INPPL1: variants seen among roughly 807,000 people sequenced by gnomAD.
The protein encoded by INPPL1 is inositol polyphosphate phosphatase like 1.
INPPL1 carries 91 observed loss-of-function variants against 139.3 expected under a neutral mutation model. The observed-to-expected ratio is 0.65, with a 90% CI of 0.55 to 0.78. The LOEUF (loss-of-function observed/expected upper bound fraction) is 0.78, where lower values mean the gene tolerates loss of function less well. Among genes scored for constraint, INPPL1 ranks in the 30% least tolerant of loss-of-function variants. The probability of loss-of-function intolerance (pLI) is 0.00; values close to 1 mark genes in which losing one functional copy is unlikely to be tolerated. For missense variants in INPPL1, 1,411 were observed against 1,665.6 expected (o/e 0.85, Z 2.66); for synonymous variants, 719 against 686.6 (o/e 1.05, Z -0.74).
Position 72,234,157 on chromosome 11 carries a change from C to A in INPPL1, c.2213-124C>A. 1.4e-6 allele frequency: 1 copy of A among 713,426 alleles called. No homozygotes were observed. The allele number at this position is 713,426 out of a possible 1,614,324, so 44.2% of individuals were successfully genotyped here. ...TGTTGGTGGCTTGGGACTGGGGAGGCCCCTCCTGGCCCTGCCTCCTTGCTC... is the reference window on the plus strand; with the variant it reads ...TGTTGGTGGCTTGGGACTGGGGAGGACCCTCCTGGCCCTGCCTCCTTGCTC... On this transcript the variant is annotated intron_variant, in intron 19 of 27. Transcript: ENST00000298229. The surrounding 1 kb of genome is among the most constrained non-coding windows in gnomAD (Gnocchi z 4.2).
intron 10 of INPPL1, 71 bp from the exon 11 acceptor site, chr11:72,230,725 G>A (rs1459736895): frequency 7.7e-7 from 1 of 1,300,588 alleles, no homozygotes; most frequent in Non-Finnish European, 1.1e-6. Context: ...TGAGCCAACT[G>A]GCAGGGTATC....
rs182127737 is a variant in INPPL1, at chr11:72,226,663, G to A, written c.182+1497G>A. 2.3e-4 allele frequency among the ~76,000 whole-genome samples: 35 copies of A among 152,338 alleles called. 1 individual carries two copies. The highest frequency in any genetic ancestry group is 6.8e-3 in the Middle Eastern group (2 of 294). On this transcript the variant is annotated intron_variant, in intron 1 of 27. Coordinates refer to ENST00000298229, the MANE Select transcript of INPPL1 (RefSeq NM_001567.4). ...CTAGCCTAGGCAATTGACCCAACAA[G>A]GAAGGGGCCCTATAAGTCTTAGCTT...
At chr11:72,225,505 C>T in intron 1 of INPPL1, 5 of 985,312 alleles carry the variant, frequency 5.1e-6, no homozygotes, top group South Asian at 4.7e-5. Flanking sequence ...GTGCATTCCA[C>T]GTTGTGTGCA....
In INPPL1 at chr11:72,234,199, T is replaced by C; in HGVS notation, c.2213-82T>C. On this transcript the variant is annotated intron_variant, in intron 19 of 27. Coordinates refer to ENST00000298229, the MANE Select transcript of INPPL1 (RefSeq NM_001567.4). The surrounding 1 kb of genome is among the most constrained non-coding windows in gnomAD (Gnocchi z 4.2). ...TCCTTGCTCTGGACCCCTGATTTCC[T>C]GTCCCAGGGCCCTGTTTCTCTGTCC... is the stretch of plus-strand genomic sequence containing the variant. The C allele has an allele frequency of 9.0e-7, 1 of 1,106,576 alleles. No homozygotes were observed. Among genetic ancestry groups the C allele is most frequent in the South Asian group, 1.3e-5 (1 of 77,634 alleles). The allele number at this position is 1,106,576 out of a possible 1,614,324, so 68.5% of individuals were successfully genotyped here. A position where few individuals can be genotyped will look rare whatever the true frequency, so the allele number is the denominator to read the frequency against.
chr11:72,237,967 G>C, intron 26 of INPPL1, 75 bp from the exon 27 acceptor site: 2 of 1,481,178 alleles, frequency 1.4e-6, no homozygotes, highest in Non-Finnish European at 1.8e-6. Context: ...TTTCCCCAGA[G>C]CATGCAGCAG....
Position 72,231,596 on chromosome 11 carries a change from T to G in INPPL1, c.1596T>G (p.Thr532=). Residue 532 remains threonine, a synonymous_variant, in exon 13 of 28, where the codon ACT becomes ACG. Coordinates refer to ENST00000298229, the MANE Select transcript of INPPL1 (RefSeq NM_001567.4). ...ISHVSTSSVK[T]GIANTLGNKG... The stretch of plus-strand genomic sequence containing the variant: ...ATGTCAGTACGTCCAGTGTGAAGAC[T>G]GGCATCGCCAACACCCTGGGTAAGT... 1 of 1,613,388 alleles carries G rather than the reference T, an allele frequency of 6.2e-7. No individual in the cohort carries two copies. The highest frequency in any genetic ancestry group is 2.2e-5 in the East Asian group (1 of 44,872).
chr11:72,234,970 G>A lies in INPPL1; in HGVS notation c.2416-146G>A. On this transcript the variant is annotated intron_variant, in intron 21 of 27. Transcript: ENST00000298229. The surrounding 1 kb of genome is among the most constrained non-coding windows in gnomAD (Gnocchi z 4.2). Reference sequence around the variant, plus strand: ...TATAGGGCTGTGTCTTCTGCATTAAGGATTTGGCTCTTCTCTGAAGAGTTG... The same window carrying A: ...TATAGGGCTGTGTCTTCTGCATTAAAGATTTGGCTCTTCTCTGAAGAGTTG... 1 of 672,454 alleles carries A rather than the reference G, an allele frequency of 1.5e-6. No individual in the cohort carries two copies. 41.7% of individuals were successfully genotyped at this position (672,454 alleles called of 1,614,324 possible). A position where few individuals can be genotyped will look rare whatever the true frequency, so the allele number is the denominator to read the frequency against.
chr11:72,227,125 C>G (rs1190238173), intron 1 of INPPL1, among the ~76,000 whole-genome samples: 2 of 152,202 alleles, frequency 1.3e-5, no homozygotes, highest in Admixed American at 1.3e-4. Context: ...ACATGCAAGA[C>G]ACGCCCCTGC....
In INPPL1 at chr11:72,237,411, C is replaced by T. The variant is rs781453490; in HGVS notation, c.3167C>T (p.Pro1056Leu). 1 of 1,612,746 alleles carries T rather than the reference C, an allele frequency of 6.2e-7. No individual in the cohort carries two copies. Among genetic ancestry groups the T allele is most frequent in the Non-Finnish European group, 8.5e-7 (1 of 1,179,288 alleles). Residue 1056 changes from proline to leucine, a missense_variant, in exon 26 of 28, where the codon CCA (proline) becomes CTA (leucine). Coordinates refer to ENST00000298229, the MANE Select transcript of INPPL1 (RefSeq NM_001567.4). ...CTGCCCCCTCCAGACTTTCCACCTC[C>T]ACCACTGCCGGACTCAGCCATCTTC... Reference protein sequence around the residue: ...GTLPPPDFPPPPLPDSAIFLP... With the variant: ...GTLPPPDFPPLPLPDSAIFLP...
chr11:72,228,540 TG>T lies in INPPL1; in HGVS notation c.397+44del, dbSNP rs756549919. ...AGGTCCCCTCCCTGCCCCTGTCCCT[TG>T]GCTCTACCTGCCTCTTCCCATCCCC... On this transcript the variant is annotated intron_variant, in intron 3 of 27. Transcript: ENST00000298229. The surrounding 1 kb of genome is among the most constrained non-coding windows in gnomAD (Gnocchi z 5.0). 1 of 1,594,574 alleles carries T rather than the reference TG, an allele frequency of 6.3e-7. No individual in the cohort carries two copies. The highest frequency in any genetic ancestry group is 1.7e-5 in the Admixed American group (1 of 59,808).
Position 72,228,087 on chromosome 11 carries a change from C to CT in INPPL1, c.183-102dup, listed in dbSNP as rs906357689. 8.1e-7 allele frequency: 1 copy of CT among 1,229,360 alleles called. No individual in the cohort carries two copies. Among genetic ancestry groups the CT allele is most frequent in the African/African-American group, 1.5e-5 (1 of 67,536 alleles). The allele number at this position is 1,229,360 out of a possible 1,614,324, so 76.2% of individuals were successfully genotyped here. ...GGCAGGTGGTTTTAGGGAAACCAAG[C>CT]TGAGGGGGTTGGGGTGCTGAGCTTG... On this transcript the variant is annotated intron_variant, in intron 1 of 27. Transcript: ENST00000298229. This position sits in a 1 kb window ranked among gnomAD's most constrained non-coding sequence, Gnocchi z 5.0.
At position 72,234,988 on chromosome 11, in the gene INPPL1, A is replaced by C; in HGVS notation, c.2416-128A>C. The C allele has an allele frequency of 1.3e-6, 1 of 749,354 alleles. No individual in the cohort carries two copies. Among genetic ancestry groups the C allele is most frequent in the Non-Finnish European group, 2.3e-6 (1 of 443,918 alleles). 46.4% of individuals were successfully genotyped at this position (749,354 alleles called of 1,614,324 possible). On this transcript the variant is annotated intron_variant, in intron 21 of 27. Coordinates refer to ENST00000298229, the MANE Select transcript of INPPL1 (RefSeq NM_001567.4). This position sits in a 1 kb window ranked among gnomAD's most constrained non-coding sequence, Gnocchi z 4.2. Reference sequence around the variant, plus strand: ...GCATTAAGGATTTGGCTCTTCTCTGAAGAGTTGAGTGTGAGTGAGCACAGA... The same window carrying C: ...GCATTAAGGATTTGGCTCTTCTCTGCAGAGTTGAGTGTGAGTGAGCACAGA...
Position 72,231,216 on chromosome 11 carries a change from C to A in INPPL1, c.1497+27C>A, listed in dbSNP as rs17847219. The A allele has an allele frequency of 0.017, 27,173 of 1,590,278 alleles. 329 individuals are homozygous for A. The highest frequency in any genetic ancestry group is 0.056 in the East Asian group (2,497 of 44,776). On this transcript the variant is annotated intron_variant, in intron 12 of 27. Coordinates refer to ENST00000298229, the MANE Select transcript of INPPL1 (RefSeq NM_001567.4). ...TGAGGGGGGGTCATCTTGTCCAGGA[C>A]CCTGTCCTCACACACCACCTCCAAA...
chr11:72,230,569 C>A (rs1034726598), intron 10 of INPPL1, 101 bp downstream of exon 10: 14 of 1,173,580 alleles, frequency 1.2e-5, no homozygotes, highest in Non-Finnish European at 1.6e-5. Context: ...TGTAGGCATG[C>A]CATCCCTCCT....
chr11:72,230,011 G>C lies in INPPL1; in HGVS notation c.931G>C (p.Ala311Pro). 1 of 1,614,206 alleles carries C rather than the reference G, an allele frequency of 6.2e-7. No homozygotes were observed. Among genetic ancestry groups the C allele is most frequent in the Non-Finnish European group, 8.5e-7 (1 of 1,180,026 alleles). ...TRKAKTIPVQAFEVKLDVTLG... is the reference protein window; with the variant it reads ...TRKAKTIPVQPFEVKLDVTLG... Reference sequence around the variant, plus strand: ...TAAGGCCAAGACCATCCCCGTGCAGGCCTTTGAGGTACATGGCAGTGGGGC... The same window carrying C: ...TAAGGCCAAGACCATCCCCGTGCAGCCCTTTGAGGTACATGGCAGTGGGGC... The change falls in exon 8 of 28, where the codon GCC (alanine) becomes CCC (proline). Residue 311 changes from alanine to proline, a missense_variant. Physicochemically the swap from Ala to Pro is conservative, Grantham distance 27. Coordinates refer to ENST00000298229, the MANE Select transcript of INPPL1 (RefSeq NM_001567.4).
At position 72,230,793 on chromosome 11, in the gene INPPL1, CA is replaced by C; in HGVS notation, c.1198-2del. The C allele has an allele frequency of 6.2e-7, 1 of 1,613,588 alleles. No individual in the cohort carries two copies. Among genetic ancestry groups the C allele is most frequent in the Non-Finnish European group, 8.5e-7 (1 of 1,179,716 alleles). On this transcript the variant is annotated splice_acceptor_variant, in intron 10 of 27. Coordinates refer to ENST00000298229, the MANE Select transcript of INPPL1 (RefSeq NM_001567.4). LOFTEE classifies it high-confidence loss of function. The stretch of plus-strand genomic sequence containing the variant: ...CGCCCCTGAGTGGCTGCTGTTCCCC[CA>C]GAAGCGGGAGGCCTTCTGCCAGCTG...
At position 72,228,869 on chromosome 11, in the gene INPPL1, C is replaced by A; in HGVS notation, c.518+22C>A. On this transcript the variant is annotated intron_variant, in intron 4 of 27. Coordinates refer to ENST00000298229, the MANE Select transcript of INPPL1 (RefSeq NM_001567.4). The surrounding 1 kb of genome is among the most constrained non-coding windows in gnomAD (Gnocchi z 5.0). ...AGAGGTGAGACCCCCATCCCATCCACTGAACAGGAGACCCTTTCTCCTCTG... is the reference window on the plus strand; with the variant it reads ...AGAGGTGAGACCCCCATCCCATCCAATGAACAGGAGACCCTTTCTCCTCTG... The A allele has an allele frequency of 6.4e-7, 1 of 1,566,518 alleles. No homozygotes were observed. Among genetic ancestry groups the A allele is most frequent in the Admixed American group, 2.0e-5 (1 of 51,168 alleles).
rs749503091 is a variant in INPPL1 at position 72,238,036 on chromosome 11, C to T, written c.3553-6C>T. On this transcript the variant is annotated splice_region_variant and splice_polypyrimidine_tract_variant and intron_variant, in intron 26 of 27. Coordinates refer to ENST00000298229, the MANE Select transcript of INPPL1 (RefSeq NM_001567.4). ...CAGCTCCCCCTGACATGCCCTGTTT[C>T]CTTAGGCTCCGTGCCTGCAGGGCGG... The T allele has an allele frequency of 1.3e-6, 2 of 1,537,406 alleles. No homozygotes were observed. Among genetic ancestry groups the T allele is most frequent in the African/African-American group, 1.4e-5 (1 of 72,446 alleles).
intron 12 of INPPL1, 134 bp from the exon 13 acceptor site, chr11:72,231,362 TTC>T (rs1301660426): frequency 1.1e-6 from 1 of 921,504 alleles, no homozygotes; most frequent in Non-Finnish European, 1.7e-6. Context: ...GAGGAACCAT[TTC>T]TCTCCAGTCC....
Sources: gnomAD v4.1 joint callset for allele counts (sites outside exome capture counted in the v4.1 genomes callset) on GRCh38, gnomAD v4.1.1 for gene constraint, Gnocchi (gnomAD v3.1) non-coding constraint, MANE v1.5 for transcripts, NCBI Gene and HGNC (gene_info 2026-07-23, HGNC 2026-07-21) for gene names.